Variants in PTPRT observed in about 807,000 individuals in gnomAD.
The protein encoded by PTPRT is receptor-type tyrosine-protein phosphatase T.
A neutral mutation model predicts 176.8 loss-of-function variants in PTPRT; 56 were observed. The ratio of observed to expected loss-of-function variants is 0.32; its 90% CI spans 0.26 to 0.40. The LOEUF is 0.40. Ranked by LOEUF, PTPRT falls within the 10% of genes least tolerant of loss-of-function variation. PTPRT has a pLI of 1.00. For missense variants in PTPRT, 1,540 were observed against 1,908.2 expected (o/e 0.81, Z 3.60); for synonymous variants, 783 against 739.0 (o/e 1.06, Z -0.96).
chr20:42,824,739 A>C (rs1451131981), intron 2 of PTPRT, among the ~76,000 whole-genome samples: 1 of 152,176 alleles, frequency 6.6e-6, no homozygotes, highest in Non-Finnish European at 1.5e-5. Context: ...ATAGGGAAAT[A>C]ACTTTTGAAG....
At chr20:43,086,560 A>AG (rs2011610196) in intron 1 of PTPRT, among the ~76,000 whole-genome samples, 1 of 152,232 alleles carries the variant, frequency 6.6e-6, no homozygotes, top group Non-Finnish European at 1.5e-5. Context: ...ACTCAGTAAT[A>AG]GGGAGTCATC....
intron 1 of PTPRT, among the ~76,000 whole-genome samples, chr20:43,134,886 G>A (rs1273855435): frequency 6.6e-6 from 1 of 152,146 alleles, no homozygotes; most frequent in Non-Finnish European, 1.5e-5. Flanking sequence ...GACATTTGGG[G>A]CCAGACAATT....
rs139461353 is a variant in PTPRT, at chr20:42,728,757, G to A, written c.859+27705C>T. On this transcript the variant is annotated intron_variant, in intron 6 of 30. Coordinates refer to ENST00000373187, the MANE Select transcript of PTPRT (RefSeq NM_007050.6). ...ACAATGACCATTTTCTAAATGTGAC[G>A]TTGCTCACCCTTCATTGCAATTCTT... is the stretch of plus-strand genomic sequence containing the variant. Among the ~76,000 whole-genome samples the A allele has an allele frequency of 7.3e-4, 111 of 152,270 alleles. 1 individual carries two copies. Among genetic ancestry groups the A allele is most frequent in the Middle Eastern group, 6.8e-3 (2 of 294 alleles).
intron 7 of PTPRT, among the ~76,000 whole-genome samples, chr20:42,572,922 GT>G (rs398061439): frequency 0.013 from 1,479 of 111,198 alleles, 14 homozygotes; most frequent in Middle Eastern, 0.034. Context: ...ATAAGTTTTT[GT>G]TTTTTTTTTT....
chr20:42,182,210 T>C (rs922828853), intron 16 of PTPRT, among the ~76,000 whole-genome samples: 18 of 152,188 alleles, frequency 1.2e-4, no homozygotes, highest in African/African-American at 4.3e-4. Flanking sequence ...AGGTTAATTT[T>C]TACTTCATCT....
intron 7 of PTPRT, among the ~76,000 whole-genome samples, chr20:42,533,391 C>A (rs2072420322): frequency 6.6e-6 from 1 of 152,188 alleles, no homozygotes; most frequent in Non-Finnish European, 1.5e-5. Context: ...GAATCTTGAT[C>A]TTCTTTCTGA....
At chr20:42,434,986 A>G (rs1042507606) in intron 9 of PTPRT, among the ~76,000 whole-genome samples, 6 of 149,404 alleles carry the variant, frequency 4.0e-5, no homozygotes, top group African/African-American at 1.5e-4. Flanking sequence ...CAAAAAACAA[A>G]AAACAAAAAC....
chr20:42,180,539 C>T (rs974244102), intron 16 of PTPRT, among the ~76,000 whole-genome samples: 4 of 152,182 alleles, frequency 2.6e-5, no homozygotes, highest in East Asian at 1.9e-4. Flanking sequence ...CTTTCCACTT[C>T]CTACCATCAA....
chr20:42,116,931 CCCTG>C (rs1212492560), intron 21 of PTPRT, among the ~76,000 whole-genome samples: 4 of 152,182 alleles, frequency 2.6e-5, no homozygotes, highest in African/African-American at 9.7e-5. Flanking sequence ...GCCTCTGAAT[CCCTG>C]AATCCTGGGC....
At chr20:42,772,100 G>A (rs1217829544) in intron 4 of PTPRT, among the ~76,000 whole-genome samples, 1 of 152,202 alleles carries the variant, frequency 6.6e-6, no homozygotes, top group Non-Finnish European at 1.5e-5. Context: ...CCTGATACCT[G>A]CACACTTGGC....
chr20:42,712,308 T>A (rs556082393), intron 6 of PTPRT, among the ~76,000 whole-genome samples: 2 of 152,158 alleles, frequency 1.3e-5, no homozygotes, highest in Non-Finnish European at 2.9e-5. Flanking sequence ...CACAACTGGC[T>A]TGGCAGTGGG....
chr20:42,479,225 T>C (rs1312564996), intron 7 of PTPRT, among the ~76,000 whole-genome samples: 1 of 152,234 alleles, frequency 6.6e-6, no homozygotes, highest in Non-Finnish European at 1.5e-5. Context: ...CATGTTTGCA[T>C]GTGGAGTTGC....
intron 15 of PTPRT, among the ~76,000 whole-genome samples, chr20:42,205,482 T>C (rs893284235): frequency 1.3e-5 from 2 of 152,132 alleles, no homozygotes; most frequent in African/African-American, 4.8e-5. Flanking sequence ...CTCCCTGCTA[T>C]TGGAGAAGTT....
chr20:42,074,013 CAG>C lies in PTPRT; in HGVS notation c.*6864_*6865del, dbSNP rs1982539244. 3 of 230,500 alleles carry C rather than the reference CAG, an allele frequency of 1.3e-5. No individual in the cohort carries two copies. The East Asian group carries it at 1.8e-4, about 14-fold the overall frequency. 14.3% of individuals were successfully genotyped at this position (230,500 alleles called of 1,614,324 possible). A position where few individuals can be genotyped will look rare whatever the true frequency, so the allele number is the denominator to read the frequency against. On this transcript the variant is annotated 3_prime_UTR_variant, in exon 31 of 31. Coordinates refer to ENST00000373187, the MANE Select transcript of PTPRT (RefSeq NM_007050.6). The stretch of plus-strand genomic sequence containing the variant: ...TTCACTCATGGGTCCTAGTTATACT[CAG>C]AGGAGTGACCTGGGTCTAGCAAACT...
intron 15 of PTPRT, among the ~76,000 whole-genome samples, chr20:42,204,933 C>A (rs1336608816): frequency 6.6e-6 from 1 of 150,944 alleles, no homozygotes; most frequent in African/African-American, 2.4e-5. Flanking sequence ...GTCCCAGGGG[C>A]AGAATGAGGA....
chr20:42,089,198 A>C (rs1432754996), intron 27 of PTPRT, among the ~76,000 whole-genome samples: 1 of 152,146 alleles, frequency 6.6e-6, no homozygotes, highest in African/African-American at 2.4e-5. Flanking sequence ...TGCAATGATG[A>C]CAAATCCACA....
At chr20:42,947,446 T>C (rs73273619) in intron 1 of PTPRT, among the ~76,000 whole-genome samples, 8,172 of 152,142 alleles carry the variant, frequency 0.054, 628 homozygotes, top group African/African-American at 0.17. Flanking sequence ...CTGTTCTCCA[T>C]AGAGCAGGGA....
rs571289897 is a variant in PTPRT, at chr20:43,120,728, C to G, written c.88+68918G>C. ...AACAGGGGTCAAGTCTACATGAAAACGACTGACATATTCTTCCAGCCACTG... is the reference window on the plus strand; with the variant it reads ...AACAGGGGTCAAGTCTACATGAAAAGGACTGACATATTCTTCCAGCCACTG... On this transcript the variant is annotated intron_variant, in intron 1 of 30. Coordinates refer to ENST00000373187, the MANE Select transcript of PTPRT (RefSeq NM_007050.6). 2.8e-4 allele frequency among the ~76,000 whole-genome samples: 43 copies of G among 152,310 alleles called. 1 individual carries two copies. Among genetic ancestry groups the G allele is most frequent in the African/African-American group, 9.4e-4 (39 of 41,554 alleles).
chr20:42,843,913 G>A (rs759642905), intron 2 of PTPRT, among the ~76,000 whole-genome samples: 3 of 152,210 alleles, frequency 2.0e-5, no homozygotes, highest in East Asian at 1.9e-4. Flanking sequence ...TAATGCATGC[G>A]AGTGTGTTGC....
Sources: gnomAD v4.1 joint callset for allele counts (sites outside exome capture counted in the v4.1 genomes callset) on GRCh38, gnomAD v4.1.1 for gene constraint, MANE v1.5 for transcripts, NCBI Gene and HGNC (gene_info 2026-07-23, HGNC 2026-07-21) for gene names.